CORO7: variants seen among roughly 807,000 people sequenced by gnomAD.
CORO7 encodes the protein coronin-7.
Under a neutral mutation model 126.6 loss-of-function variants are expected in CORO7, and 107 were observed. That is an observed-to-expected ratio of 0.85 (90% CI 0.72 to 0.99). CORO7 has a LOEUF of 0.99. Ranked by LOEUF, CORO7 falls within the 50% of genes least tolerant of loss-of-function variation. The probability of loss-of-function intolerance (pLI) is 0.00; values close to 1 mark genes in which losing one functional copy is unlikely to be tolerated. For missense variants in CORO7, 1,314 were observed against 1,255.8 expected, an observed-to-expected ratio of 1.05 and a Z score of -0.70; for synonymous variants, 603 against 536.8, an observed-to-expected ratio of 1.12 and a Z score of -1.70.
In CORO7 at chr16:4,361,727, G is replaced by A. The variant is rs145896848; in HGVS notation, c.1578+258C>T. The A allele has an allele frequency of 1.3e-4, 102 of 797,894 alleles. No homozygotes were observed. The East Asian group carries it at 2.3e-3, about 18-fold the overall frequency. The allele number at this position is 797,894 out of a possible 1,614,324, so 49.4% of individuals were successfully genotyped here. On this transcript the variant is annotated intron_variant, in intron 16 of 27. Coordinates refer to ENST00000251166, the MANE Select transcript of CORO7 (RefSeq NM_024535.5). ...CTTAGGGCTCAGGTGGCCGGGCTTC[G>A]GATCCCAGCTCCACCACTTACACAG...
rs2054859331 is a variant in CORO7, at chr16:4,379,077, AG to A, written c.785+8908del. On this transcript the variant is annotated intron_variant, in intron 9 of 27. Coordinates refer to ENST00000251166, the MANE Select transcript of CORO7 (RefSeq NM_024535.5). ...GACCACCTGCTCCTCCTCACATTCCAGGAACCCACGTACCTGGGGGAGAGGG... is the reference window on the plus strand; with the variant it reads ...GACCACCTGCTCCTCCTCACATTCCAGAACCCACGTACCTGGGGGAGAGGG... 4.6e-5 allele frequency among the ~76,000 whole-genome samples: 7 copies of A among 151,940 alleles called. 1 individual carries two copies. The South Asian group carries it at 1.2e-3, about 27-fold the overall frequency.
intron 9 of CORO7, among the ~76,000 whole-genome samples, chr16:4,366,362 C>CA (rs139550185): frequency 0.081 from 12,292 of 152,044 alleles, 864 homozygotes; most frequent in African/African-American, 0.19. Flanking sequence ...TGTCACTGGC[C>CA]GGGCTTTATG....
intron 26 of CORO7, 166 bp from the exon 27 acceptor site, chr16:4,355,538 G>A (rs527696394): frequency 9.4e-5 from 66 of 700,474 alleles, no homozygotes; most frequent in African/African-American, 7.4e-4. Flanking sequence ...GCGCGATCTC[G>A]GCTCACTGCA....
At chr16:4,356,401 G>C (rs1340938010) in intron 26 of CORO7, 1 of 152,082 alleles carries the variant, frequency 6.6e-6, no homozygotes, top group Non-Finnish European at 1.5e-5. Context: ...GGCCAAAAGA[G>C]CCACTATATT....
chr16:4,364,262 G>A lies in CORO7; in HGVS notation c.1275+14C>T. 6.6e-7 allele frequency: 1 copy of A among 1,523,090 alleles called. No homozygotes were observed. Among genetic ancestry groups the A allele is most frequent in the Non-Finnish European group, 8.8e-7 (1 of 1,138,638 alleles). The allele number at this position is 1,523,090 out of a possible 1,614,324, so 94.3% of individuals were successfully genotyped here. The stretch of plus-strand genomic sequence containing the variant: ...GTGTCGCTGAGGGAGGATGGGGGCG[G>A]CCCTGGTACTTACGCTTGCGTCTGC... On this transcript the variant is annotated intron_variant, in intron 14 of 27. Coordinates refer to ENST00000251166, the MANE Select transcript of CORO7 (RefSeq NM_024535.5).
chr16:4,412,851 C>T (rs1234636325), intron 2 of CORO7: 1 of 229,948 alleles, frequency 4.3e-6, no homozygotes, highest in East Asian at 9.9e-5. Flanking sequence ...CCTGAAGCCC[C>T]TGATCTCTTA....
intron 26 of CORO7, 111 bp downstream of exon 26, chr16:4,357,057 T>G (rs1284590203): frequency 7.2e-7 from 1 of 1,385,584 alleles, no homozygotes; most frequent in South Asian, 1.2e-5. Context: ...GAAGGGGACG[T>G]GACATGTGGC....
intron 9 of CORO7, chr16:4,381,183 C>T (rs1358599605): frequency 6.2e-7 from 1 of 1,612,108 alleles, no homozygotes; most frequent in Admixed American, 1.7e-5. Flanking sequence ...TCGCCAACCT[C>T]AGCAACCTGG....
chr16:4,376,615 G>A (rs1208114405), intron 9 of CORO7, among the ~76,000 whole-genome samples: 2 of 152,148 alleles, frequency 1.3e-5, no homozygotes, highest in African/African-American at 2.4e-5. Flanking sequence ...CCCCAGCCAT[G>A]CTATCCCCTG....
intron 9 of CORO7, chr16:4,382,216 C>G (rs774442951): frequency 1.2e-6 from 2 of 1,604,514 alleles, no homozygotes; most frequent in Admixed American, 3.4e-5. Context: ...CCAGATGGGG[C>G]AGGGGACACG....
intron 6 of CORO7, among the ~76,000 whole-genome samples, chr16:4,398,842 A>C (rs1232957881): frequency 6.6e-6 from 1 of 150,502 alleles, no homozygotes; most frequent in Non-Finnish European, 1.5e-5. Flanking sequence ...GTGGTGTGAG[A>C]CTGTGTTCCC....
chr16:4,391,045 C>T (rs1240371562), intron 7 of CORO7, among the ~76,000 whole-genome samples: 1 of 152,230 alleles, frequency 6.6e-6, no homozygotes, highest in African/African-American at 2.4e-5. Flanking sequence ...CCAGAGACCA[C>T]AGGAAGCCCC....
chr16:4,415,654 G>A, intron 1 of CORO7: 2 of 951,170 alleles, frequency 2.1e-6, no homozygotes, highest in Non-Finnish European at 2.5e-6. Flanking sequence ...CTGGGACCCT[G>A]ATGGGGTCAC....
At position 4,400,679 on chromosome 16, in the gene CORO7, G is replaced by C. The variant is rs181476043; in HGVS notation, c.564+4812C>G. ...AAACAAAAAAACAAAAAGTAGCCGG[G>C]TGTGGTGGCACGTGCCTGTAGTCCT... is the stretch of plus-strand genomic sequence containing the variant. On this transcript the variant is annotated intron_variant, in intron 6 of 27. Coordinates refer to ENST00000251166, the MANE Select transcript of CORO7 (RefSeq NM_024535.5). Among the ~76,000 whole-genome samples, 562 of 151,838 alleles carry C rather than the reference G, an allele frequency of 3.7e-3. 9 individuals carry two copies. Among genetic ancestry groups the C allele is most frequent in the Admixed American group, 0.016 (242 of 15,218 alleles).
chr16:4,372,254 C>G (rs2141217466), intron 9 of CORO7, among the ~76,000 whole-genome samples: 1 of 152,318 alleles, frequency 6.6e-6, no homozygotes, highest in African/African-American at 2.4e-5. Context: ...TGCAAGCAGA[C>G]AAAATAAACA....
intron 9 of CORO7, among the ~76,000 whole-genome samples, chr16:4,369,995 G>A (rs1204651925): frequency 2.0e-5 from 3 of 152,304 alleles, no homozygotes; most frequent in African/African-American, 7.2e-5. Flanking sequence ...TGGGTAAGTG[G>A]GGACCTGTGT....
intron 6 of CORO7, 117 bp from the exon 7 acceptor site, chr16:4,395,456 G>C (rs2055549876): frequency 7.3e-7 from 1 of 1,378,974 alleles, no homozygotes; most frequent in Non-Finnish European, 1.0e-6. Context: ...CCAGCACGCA[G>C]GGCTGCCATC....
At chr16:4,412,566 C>G in intron 2 of CORO7, 136 bp from the exon 3 acceptor site, 2 of 849,484 alleles carry the variant, frequency 2.4e-6, no homozygotes, top group East Asian at 5.2e-5. Flanking sequence ...AAGATCATAT[C>G]CTCTGCACGT....
chr16:4,373,643 C>T (rs73507276), intron 9 of CORO7, among the ~76,000 whole-genome samples: 5,611 of 152,236 alleles, frequency 0.037, 136 homozygotes, highest in Admixed American at 0.091. Flanking sequence ...GCTCCTAGCT[C>T]CCATTACTGT....
Sources: gnomAD v4.1 joint callset for allele counts (sites outside exome capture counted in the v4.1 genomes callset) on GRCh38, gnomAD v4.1.1 for gene constraint, MANE v1.5 for transcripts, NCBI Gene and HGNC (gene_info 2026-07-23, HGNC 2026-07-21) for gene names.